The following CDC123 variants were observed in gnomAD, a reference collection of about 807,000 sequenced individuals.
CDC123 encodes the protein translation initiation factor eIF2 assembly protein.
CDC123 carries 37 observed loss-of-function variants against 54.4 expected under a neutral mutation model. That is an observed-to-expected ratio of 0.68 (90% CI 0.52 to 0.89). The LOEUF is 0.89. Among genes scored for constraint, CDC123 ranks in the 40% least tolerant of loss-of-function variants. The probability of loss-of-function intolerance (pLI) is 0.00; values close to 1 mark genes in which losing one functional copy is unlikely to be tolerated. For synonymous variants in CDC123, 144 were observed against 136.8 expected (o/e 1.05, Z -0.37); for missense variants, 361 against 412.1 (o/e 0.88, Z 1.07).
At chr10:12,211,893 G>A (rs1241546376) in intron 4 of CDC123, among the ~76,000 whole-genome samples, 2 of 151,962 alleles carry the variant, frequency 1.3e-5, no homozygotes, top group African/African-American at 4.8e-5. Flanking sequence ...TGGATTACTT[G>A]AGGACCAACA....
At chr10:12,207,343 T>C (rs1167639403) in intron 2 of CDC123, among the ~76,000 whole-genome samples, 1 of 152,226 alleles carries the variant, frequency 6.6e-6, no homozygotes, top group African/African-American at 2.4e-5. Flanking sequence ...TAGCCTCCTG[T>C]TCTTCCTTAA....
intron 2 of CDC123, among the ~76,000 whole-genome samples, chr10:12,200,868 G>C (rs1835429777): frequency 6.6e-6 from 1 of 152,130 alleles, no homozygotes; most frequent in Admixed American, 6.5e-5. Flanking sequence ...AGGAGGTGGA[G>C]GTTGCAGTGA....
At chr10:12,249,311 G>T (rs1239382145) in intron 11 of CDC123, among the ~76,000 whole-genome samples, 1 of 152,140 alleles carries the variant, frequency 6.6e-6, no homozygotes, top group Non-Finnish European at 1.5e-5. Context: ...GGTGGCGCAT[G>T]CCTATAGTCC....
chr10:12,250,159 A>G (rs12268162), intron 12 of CDC123, 152 bp from the exon 13 acceptor site: 10,344 of 515,900 alleles, frequency 0.02, 452 homozygotes, highest in East Asian at 0.088. Context: ...TCAGGAGTCA[A>G]AGTGATAAAC....
In CDC123 at chr10:12,249,605, A is replaced by C. The variant is rs750845234; in HGVS notation, c.871A>C (p.Asn291His). The change falls in exon 12 of 13, where the codon AAC becomes CAC. Residue 291 changes from asparagine (N) to histidine (H), a missense_variant. Transcript: ENST00000281141. Reference protein sequence around the residue: ...EQDSPAFRCTNSEVTVQPSPY... With the variant: ...EQDSPAFRCTHSEVTVQPSPY... ...GGATTCCCCAGCTTTCCGTTGCACAAACAGTGAAGTGACAGTCCAGCCCAG... is the reference window on the plus strand; with the variant it reads ...GGATTCCCCAGCTTTCCGTTGCACACACAGTGAAGTGACAGTCCAGCCCAG... 1 of 1,613,770 alleles carries C rather than the reference A, an allele frequency of 6.2e-7. No homozygotes were observed. The highest frequency in any genetic ancestry group is 8.5e-7 in the Non-Finnish European group (1 of 1,179,934).
In CDC123 at chr10:12,196,404, C is replaced by T. The variant is rs1337814693; in HGVS notation, c.74+85C>T. ...AATCTTACTGCTATCCAAAAAAATG[C>T]AGGCCTTCTAGCGACTGCATGGGAG... On this transcript the variant is annotated intron_variant, in intron 1 of 12. Coordinates refer to ENST00000281141, the MANE Select transcript of CDC123 (RefSeq NM_006023.3). 21 of 1,574,562 alleles carry T rather than the reference C, an allele frequency of 1.3e-5. No homozygotes were observed. In the East Asian group the frequency reaches 2.0e-4, roughly 15 times the overall value.
chr10:12,196,321 T>C lies in CDC123; in HGVS notation c.74+2T>C. 6.2e-7 allele frequency: 1 copy of C among 1,610,400 alleles called. No homozygotes were observed. The highest frequency in any genetic ancestry group is 8.5e-7 in the Non-Finnish European group (1 of 1,178,184). On this transcript the variant is annotated splice_donor_variant, in intron 1 of 12. Transcript: ENST00000281141. LOFTEE classifies it high-confidence loss of function. ...CTTCCGAGGCGTTACCATCAAGAGG[T>C]GAGATGGGAGGGGGTTCGCCCGGTC...
chr10:12,204,390 A>AT, intron 2 of CDC123, among the ~76,000 whole-genome samples: 1 of 152,142 alleles, frequency 6.6e-6, no homozygotes, highest in East Asian at 1.9e-4. Context: ...AGATAGTGAC[A>AT]TTTTTGCTTT....
In CDC123 at chr10:12,196,216, G is replaced by A. The variant is rs770053299; in HGVS notation, c.-30G>A. 12 of 1,613,688 alleles carry A rather than the reference G, an allele frequency of 7.4e-6. No individual in the cohort carries two copies. Among genetic ancestry groups the A allele is most frequent in the Non-Finnish European group, 1.0e-5 (12 of 1,179,966 alleles). ...GTTCCGGGAGGGTGCAGGCAGGAGA[G>A]GGAAAGGCAGCAGCGGCGGCAGCTG... On this transcript the variant is annotated 5_prime_UTR_variant, in exon 1 of 13. Coordinates refer to ENST00000281141, the MANE Select transcript of CDC123 (RefSeq NM_006023.3).
chr10:12,228,563 G>C (rs892979213), intron 6 of CDC123, among the ~76,000 whole-genome samples: 1 of 151,418 alleles, frequency 6.6e-6, no homozygotes, highest in Admixed American at 6.6e-5. Flanking sequence ...ACACCACCAG[G>C]CCTGGCTAAT....
At chr10:12,244,465 C>T (rs1294058574) in intron 10 of CDC123, among the ~76,000 whole-genome samples, 2 of 152,172 alleles carry the variant, frequency 1.3e-5, no homozygotes, top group Admixed American at 1.3e-4. Flanking sequence ...TGCCCCCGCT[C>T]TGTGCGTGTC....
intron 10 of CDC123, among the ~76,000 whole-genome samples, chr10:12,242,908 C>T (rs1261991117): frequency 6.6e-6 from 1 of 152,018 alleles, no homozygotes; most frequent in East Asian, 1.9e-4. Flanking sequence ...CGCGACTGTA[C>T]TCCAGCCTGG....
rs1214675456 is a variant in CDC123 at position 12,230,957 on chromosome 10, T to C, written c.450T>C (p.His150=). The change falls in exon 7 of 13, where the codon CAT becomes CAC. Residue 150 remains histidine, a synonymous_variant. Coordinates refer to ENST00000281141, the MANE Select transcript of CDC123 (RefSeq NM_006023.3). ...TCTTCTTCTTCCAAAGGTTTATTCA[T>C]TGTACTGATGATTCTCCAGATCCAT... is the stretch of plus-strand genomic sequence containing the variant. ...ITRDFTQPFI[H]CTDDSPDPCI... The C allele has an allele frequency of 6.2e-7, 1 of 1,611,694 alleles. No individual in the cohort carries two copies. Among genetic ancestry groups the C allele is most frequent in the Non-Finnish European group, 8.5e-7 (1 of 1,179,424 alleles).
chr10:12,247,942 T>C (rs535517915), intron 11 of CDC123: 1 of 151,800 alleles, frequency 6.6e-6, no homozygotes, highest in Non-Finnish European at 1.5e-5. Flanking sequence ...AGGCAGAGCT[T>C]GCAGTGAGCC....
intron 10 of CDC123, among the ~76,000 whole-genome samples, chr10:12,239,062 G>C (rs993542277): frequency 6.6e-6 from 1 of 152,048 alleles, no homozygotes; most frequent in African/African-American, 2.4e-5. Context: ...GGCTGAGCTG[G>C]GAGGATCACT....
At chr10:12,218,692 A>G (rs151148208) in intron 6 of CDC123, among the ~76,000 whole-genome samples, 1 of 152,314 alleles carries the variant, frequency 6.6e-6, no homozygotes, top group Non-Finnish European at 1.5e-5. Flanking sequence ...CAGAGCTGCA[A>G]TGAATATCCT....
At chr10:12,199,312 A>T (rs1434480647) in intron 2 of CDC123, among the ~76,000 whole-genome samples, 1 of 152,162 alleles carries the variant, frequency 6.6e-6, no homozygotes, top group Non-Finnish European at 1.5e-5. Context: ...GATTTAGTGA[A>T]GTTCTCATTT....
chr10:12,208,886 C>T (rs1835557129), intron 2 of CDC123, among the ~76,000 whole-genome samples: 1 of 152,216 alleles, frequency 6.6e-6, no homozygotes, highest in African/African-American at 2.4e-5. Flanking sequence ...TCCCCTCTCT[C>T]TCTCACCCTT....
chr10:12,219,780 G>A (rs1835710212), intron 6 of CDC123, among the ~76,000 whole-genome samples: 1 of 151,440 alleles, frequency 6.6e-6, no homozygotes. Flanking sequence ...CGCCTCCTGG[G>A]TTGAAGCAGT....
Sources: allele counts gnomAD v4.1 joint callset (sites outside exome capture counted in the v4.1 genomes callset), GRCh38; gene constraint gnomAD v4.1.1; transcripts MANE v1.5; gene names NCBI Gene and HGNC (gene_info 2026-07-23, HGNC 2026-07-21).